The following SUPT3H variants were observed in gnomAD, a reference collection of about 807,000 sequenced individuals.
The protein encoded by SUPT3H is SPT3 homolog, SAGA and STAGA complex component, also known as transcription initiation protein SPT3 homolog.
A neutral mutation model predicts 44.3 loss-of-function variants in SUPT3H; 44 were observed. The ratio of observed to expected loss-of-function variants is 0.99; its 90% confidence interval spans 0.78 to 1.28. The LOEUF is 1.28. SUPT3H is among the 50% of genes most tolerant of loss of function. The pLI, the probability that SUPT3H is intolerant of heterozygous loss-of-function variation, is 0.00. For synonymous variants in SUPT3H, 124 were observed against 125.6 expected, an observed-to-expected ratio of 0.99 and a Z score of 0.09; for missense variants, 380 against 387.1, an observed-to-expected ratio of 0.98 and a Z score of 0.15.
At position 45,181,080 on chromosome 6, in the gene SUPT3H, GA is replaced by G. The variant is rs1813074551; in HGVS notation, c.102-75075del. On this transcript the variant is annotated intron_variant, in intron 2 of 10. Transcript: ENST00000371459. ...GGATATGAACAGACACTTCTCAAAAGAAGACATTTATGCAGCCAAGAAACAC... is the reference window on the plus strand; with the variant it reads ...GGATATGAACAGACACTTCTCAAAAGAGACATTTATGCAGCCAAGAAACAC... Among the ~76,000 whole-genome samples the G allele has an allele frequency of 2.6e-5, 4 of 151,676 alleles. No homozygotes were observed. The South Asian group carries it at 8.4e-4, about 32-fold the overall frequency.
rs899410856 is a variant in SUPT3H, at chr6:45,227,001, T to A, written c.102-120995A>T. Among the ~76,000 whole-genome samples the A allele has an allele frequency of 2.7e-5, 4 of 149,506 alleles. No individual in the cohort carries two copies. The South Asian group carries it at 6.3e-4, about 23-fold the overall frequency. ...GACAGAGTGAGACCATCTAGAAAAA[T>A]ATATATATATTTAAATATATACTAA... On this transcript the variant is annotated intron_variant, in intron 2 of 10. Coordinates refer to ENST00000371459, the MANE Select transcript of SUPT3H (RefSeq NM_003599.4).
chr6:45,133,784 A>C (rs1008340277), intron 2 of SUPT3H, among the ~76,000 whole-genome samples: 1 of 152,216 alleles, frequency 6.6e-6, no homozygotes, highest in African/African-American at 2.4e-5. Flanking sequence ...AAAGAGGAGA[A>C]AACTTGATTT....
At chr6:44,954,744 G>A (rs1774861678) in intron 7 of SUPT3H, 137 bp from the exon 8 acceptor site, 1 of 620,738 alleles carries the variant, frequency 1.6e-6, no homozygotes, top group East Asian at 2.7e-5. Context: ...CATAATTAAT[G>A]TCTAGATATT....
chr6:44,881,992 C>T (rs1316600858), intron 10 of SUPT3H, among the ~76,000 whole-genome samples: 1 of 151,984 alleles, frequency 6.6e-6, no homozygotes, highest in East Asian at 1.9e-4. Context: ...GAAGCAAGAG[C>T]AAACACATTC....
intron 10 of SUPT3H, among the ~76,000 whole-genome samples, chr6:44,835,944 TAAG>T (rs2153413424): frequency 6.6e-6 from 1 of 152,296 alleles, no homozygotes; most frequent in Non-Finnish European, 1.5e-5. Context: ...TCCATTTGCC[TAAG>T]AAGATGACCG....
chr6:45,207,084 A>T (rs1763325638), intron 2 of SUPT3H, among the ~76,000 whole-genome samples: 1 of 152,238 alleles, frequency 6.6e-6, no homozygotes, highest in South Asian at 2.1e-4. Context: ...GCTGAAACCT[A>T]GCACAATCCA....
rs190797564 is a variant in SUPT3H at position 44,958,039 on chromosome 6, C to T, written c.581-3432G>A. Among the ~76,000 whole-genome samples the T allele has an allele frequency of 4.6e-5, 7 of 152,198 alleles. No homozygotes were observed. The East Asian group carries it at 1.4e-3, about 29-fold the overall frequency. ...TGTTTTCATCAAGAGGTGAGAGGGG[C>T]CTCAGAATAAACAAGTTCCTTCTCC... On this transcript the variant is annotated intron_variant, in intron 7 of 10. Coordinates refer to ENST00000371459, the MANE Select transcript of SUPT3H (RefSeq NM_003599.4).
At chr6:45,220,040 CAAAAAAA>C (rs67960187) in intron 2 of SUPT3H, among the ~76,000 whole-genome samples, 4 of 33,012 alleles carry the variant, frequency 1.2e-4, no homozygotes, top group Admixed American at 6.3e-4. Context: ...GACTCTGTCT[CAAAAAAA>C]AAAAAAAAAA....
chr6:45,260,947 T>A (rs922123864), intron 2 of SUPT3H, among the ~76,000 whole-genome samples: 1 of 152,078 alleles, frequency 6.6e-6, no homozygotes, highest in Non-Finnish European at 1.5e-5. Flanking sequence ...AAATTCCTCA[T>A]CTAAACAGAT....
rs75259519 is a variant in SUPT3H, at chr6:45,210,263, A to G, written c.102-104257T>C. Among the ~76,000 whole-genome samples, 387 of 152,250 alleles carry G rather than the reference A, an allele frequency of 2.5e-3. 3 individuals are homozygous for G. Among genetic ancestry groups the G allele is most frequent in the African/African-American group, 8.5e-3 (355 of 41,552 alleles). ...ATAAAAAGCTACATACTCACCTCAC[A>G]ATTTGCCCAGAAGGAAATTGCTTTT... is the stretch of plus-strand genomic sequence containing the variant. On this transcript the variant is annotated intron_variant, in intron 2 of 10. Transcript: ENST00000371459.
At chr6:45,026,688 C>G (rs1222665011) in intron 3 of SUPT3H, among the ~76,000 whole-genome samples, 2 of 151,918 alleles carry the variant, frequency 1.3e-5, no homozygotes, top group African/African-American at 4.8e-5. Context: ...TTTTATTTAC[C>G]AACATATTTG....
intron 2 of SUPT3H, among the ~76,000 whole-genome samples, chr6:45,234,035 T>C (rs990402421): frequency 2.0e-5 from 3 of 152,200 alleles, no homozygotes; most frequent in South Asian, 2.1e-4. Flanking sequence ...TTGCAAGGTA[T>C]TTGAATATGT....
intron 2 of SUPT3H, among the ~76,000 whole-genome samples, chr6:45,293,608 GA>G (rs1780648828): frequency 6.6e-6 from 1 of 151,996 alleles, no homozygotes; most frequent in South Asian, 2.1e-4. Flanking sequence ...ACTAAGAAAA[GA>G]AGAGAGAAAA....
chr6:44,954,085 T>C (rs1774736723), intron 8 of SUPT3H, among the ~76,000 whole-genome samples: 1 of 152,162 alleles, frequency 6.6e-6, no homozygotes, highest in Non-Finnish European at 1.5e-5. Flanking sequence ...ATGCCTGTGG[T>C]CTAAAGACCA....
chr6:44,976,386 G>C (rs1778344398), intron 6 of SUPT3H, among the ~76,000 whole-genome samples: 1 of 150,826 alleles, frequency 6.6e-6, no homozygotes, highest in African/African-American at 2.4e-5. Flanking sequence ...TCTTGAGACA[G>C]AGTCTCACTC....
intron 2 of SUPT3H, among the ~76,000 whole-genome samples, chr6:45,311,814 TA>T (rs772186401): frequency 2.5e-4 from 38 of 152,178 alleles, no homozygotes; most frequent in Non-Finnish European, 5.1e-4. Context: ...AAAGGAGCTC[TA>T]AATCTTGAAA....
chr6:45,306,796 G>A (rs1239373299), intron 2 of SUPT3H, among the ~76,000 whole-genome samples: 2 of 142,306 alleles, frequency 1.4e-5, no homozygotes, highest in African/African-American at 2.5e-5. Flanking sequence ...GTGCAGGACA[G>A]TGGGTGCAGC....
chr6:44,968,823 T>C (rs1333827912), intron 6 of SUPT3H, among the ~76,000 whole-genome samples: 2 of 152,174 alleles, frequency 1.3e-5, no homozygotes, highest in Non-Finnish European at 2.9e-5. Flanking sequence ...AAGCACTGCA[T>C]CAAATTTAAG....
intron 3 of SUPT3H, among the ~76,000 whole-genome samples, chr6:45,069,182 A>C (rs575154923): frequency 6.6e-6 from 1 of 152,292 alleles, no homozygotes; most frequent in East Asian, 1.9e-4. Context: ...AAAATTATAA[A>C]GGTAGTAAAA....
Sources: gnomAD v4.1 joint callset for allele counts (sites outside exome capture counted in the v4.1 genomes callset) on GRCh38, gnomAD v4.1.1 for gene constraint, MANE v1.5 for transcripts, NCBI Gene and HGNC (gene_info 2026-07-23, HGNC 2026-07-21) for gene names.